The following SPTLC2 variants were observed in gnomAD, a reference collection of about 807,000 sequenced individuals.
SPTLC2 encodes serine palmitoyltransferase 2.
In SPTLC2, 21 loss-of-function variants were observed where a neutral mutation model predicts 62.0. The observed-to-expected ratio is 0.34, with a 90% confidence interval of 0.24 to 0.49. The LOEUF (loss-of-function observed/expected upper bound fraction) is 0.49. Among genes scored for constraint, SPTLC2 ranks in the 20% least tolerant of loss-of-function variants. The pLI, the probability that SPTLC2 is intolerant of heterozygous loss-of-function variation, is 0.99. For synonymous variants in SPTLC2, 261 were observed against 261.8 expected (o/e 1.00, Z 0.03); for missense variants, 511 against 713.0 (o/e 0.72, Z 3.23).
At chr14:77,566,020 C>T (rs932228447) in intron 5 of SPTLC2, among the ~76,000 whole-genome samples, 1 of 152,196 alleles carries the variant, frequency 6.6e-6, no homozygotes, top group Non-Finnish European at 1.5e-5. Flanking sequence ...AAATTCTTTA[C>T]TTACCACTCT....
At chr14:77,564,580 C>G (rs1026772770) in intron 5 of SPTLC2, among the ~76,000 whole-genome samples, 1 of 151,856 alleles carries the variant, frequency 6.6e-6, no homozygotes, top group African/African-American at 2.4e-5. Flanking sequence ...TTCTAAATAT[C>G]ATTCTCCAAA....
At position 77,511,160 on chromosome 14, in the gene SPTLC2, T is replaced by C. The variant is rs1238044652; in HGVS notation, c.*1124A>G. ...CATCAAGAATAAAAGAGAACTAGCA[T>C]TCAGAAGAGTAATATTTAAGTGGGT... On this transcript the variant is annotated 3_prime_UTR_variant, in exon 12 of 12. Transcript: ENST00000216484. The C allele has an allele frequency of 6.6e-6, 1 of 152,192 alleles. No homozygotes were observed. The highest frequency in any genetic ancestry group is 2.4e-5 in the African/African-American group (1 of 41,436). 9.4% of individuals were successfully genotyped at this position (152,192 alleles called of 1,614,324 possible).
rs9972150 is a variant in SPTLC2, at chr14:77,570,908, G to A, written c.632-400C>T. On this transcript the variant is annotated intron_variant, in intron 4 of 11. Transcript: ENST00000216484. ...AAAAACAGAACATGGGCGGGGGGAT[G>A]GGAACTGAGGGATAAGAGACTATGG... Among the ~76,000 whole-genome samples, 653 of 152,170 alleles carry A rather than the reference G, an allele frequency of 4.3e-3. 7 individuals are homozygous for A. Among genetic ancestry groups the A allele is most frequent in the African/African-American group, 0.015 (603 of 41,514 alleles).
At chr14:77,529,338 T>C (rs1014616330) in intron 9 of SPTLC2, among the ~76,000 whole-genome samples, 1 of 150,456 alleles carries the variant, frequency 6.6e-6, no homozygotes, top group Admixed American at 6.7e-5. Flanking sequence ...TCTCCACTGA[T>C]AGAAATAAAC....
At chr14:77,579,190 A>G (rs1219304437) in intron 2 of SPTLC2, 81 bp from the exon 3 acceptor site, 7 of 1,390,006 alleles carry the variant, frequency 5.0e-6, no homozygotes, top group South Asian at 1.2e-5. Flanking sequence ...ATGATCTTTT[A>G]TTTATGTAAA....
At chr14:77,557,763 C>A (rs1946485871) in intron 6 of SPTLC2, among the ~76,000 whole-genome samples, 1 of 152,116 alleles carries the variant, frequency 6.6e-6, no homozygotes, top group Non-Finnish European at 1.5e-5. Context: ...TGAAATTGTT[C>A]CATGTTTGAC....
chr14:77,538,878 T>C (rs1345012348), intron 9 of SPTLC2, among the ~76,000 whole-genome samples: 1 of 151,970 alleles, frequency 6.6e-6, no homozygotes, highest in Non-Finnish European at 1.5e-5. Flanking sequence ...GCCTGTGGTA[T>C]ATAAACTTCT....
intron 8 of SPTLC2, 26 bp from the exon 9 acceptor site, chr14:77,552,248 G>A: frequency 6.2e-7 from 1 of 1,613,550 alleles, no homozygotes; most frequent in South Asian, 1.1e-5. Flanking sequence ...AGGCAGATAA[G>A]TAGAGACAAT....
intron 1 of SPTLC2, among the ~76,000 whole-genome samples, chr14:77,612,084 C>T (rs369444594): frequency 6.6e-6 from 1 of 152,164 alleles, no homozygotes; most frequent in African/African-American, 2.4e-5. Context: ...CAGAAACTAC[C>T]CAGAAGGGAA....
At chr14:77,569,679 G>A (rs1247548054) in intron 5 of SPTLC2, among the ~76,000 whole-genome samples, 1 of 150,146 alleles carries the variant, frequency 6.7e-6, no homozygotes, top group Non-Finnish European at 1.5e-5. Context: ...CTTTCAGGAT[G>A]AGAGTACCAA....
rs555650951 is a variant in SPTLC2 at position 77,586,991 on chromosome 14, C to T, written c.328-7882G>A. On this transcript the variant is annotated intron_variant, in intron 2 of 11. Coordinates refer to ENST00000216484, the MANE Select transcript of SPTLC2 (RefSeq NM_004863.4). ...CTGTAATCCCAGCACTTTGGGAGGC[C>T]GAGGCAGGCAGATCACGAGGTCAGG... Among the ~76,000 whole-genome samples the T allele has an allele frequency of 3.3e-5, 5 of 151,768 alleles. 1 individual carries two copies. The South Asian group carries it at 6.2e-4, about 19-fold the overall frequency.
At position 77,512,346 on chromosome 14, in the gene SPTLC2, G is replaced by A. The variant is rs2079336710; in HGVS notation, c.1627C>T (p.Arg543Trp). 1.9e-6 allele frequency: 3 copies of A among 1,614,216 alleles called. No homozygotes were observed. Among genetic ancestry groups the A allele is most frequent in the South Asian group, 1.1e-5 (1 of 91,084 alleles). ...DLLQLKYSRHRLVPLLDRPFD... is the reference protein window; with the variant it reads ...DLLQLKYSRHWLVPLLDRPFD... ...GGCCTGTCCAGTAGAGGTACCAACC[G>A]ATGACGGGAATACTTCAGCTGCAAT... The change falls in exon 12 of 12, where the codon CGG becomes TGG. Residue 543 changes from arginine (R) to tryptophan (W), a missense_variant. Physicochemically the swap from Arg to Trp is moderately radical, Grantham distance 101. Transcript: ENST00000216484.
rs531559924 is a variant in SPTLC2 at position 77,537,391 on chromosome 14, T to C, written c.1303+14705A>G. ...TCTTGTTTATAAGTTCCTGTTACTG[T>C]ACTTATGCCGTTTATGTGTGGTCTC... is the stretch of plus-strand genomic sequence containing the variant. On this transcript the variant is annotated intron_variant, in intron 9 of 11. Transcript: ENST00000216484. 3.1e-3 allele frequency among the ~76,000 whole-genome samples: 479 copies of C among 152,340 alleles called. 2 individuals are homozygous for C. The highest frequency in any genetic ancestry group is 4.0e-3 in the Non-Finnish European group (274 of 68,028).
At chr14:77,534,796 A>G (rs1396248314) in intron 9 of SPTLC2, among the ~76,000 whole-genome samples, 1 of 152,178 alleles carries the variant, frequency 6.6e-6, no homozygotes, top group African/African-American at 2.4e-5. Context: ...GACCCTGGAC[A>G]TTCTGCAGCA....
chr14:77,559,725 A>AT (rs2079604527), intron 6 of SPTLC2, among the ~76,000 whole-genome samples: 3 of 152,124 alleles, frequency 2.0e-5, no homozygotes, highest in Non-Finnish European at 4.4e-5. Flanking sequence ...CTTTGTCTCT[A>AT]TAAAAAATAA....
In SPTLC2 at chr14:77,507,244, T is replaced by C. The variant is rs1404300287; in HGVS notation, c.*5040A>G. The C allele has an allele frequency of 6.6e-6, 1 of 151,984 alleles. No individual in the cohort carries two copies. Among genetic ancestry groups the C allele is most frequent in the Non-Finnish European group, 1.5e-5 (1 of 68,026 alleles). 9.4% of individuals were successfully genotyped at this position (151,984 alleles called of 1,614,324 possible). Reference sequence around the variant, plus strand: ...AAGCAAAGGGATCATTGGCTAGCACTAGCATTTATTCTGTGTGATAGGGAA... The same window carrying C: ...AAGCAAAGGGATCATTGGCTAGCACCAGCATTTATTCTGTGTGATAGGGAA... On this transcript the variant is annotated 3_prime_UTR_variant, in exon 12 of 12. Coordinates refer to ENST00000216484, the MANE Select transcript of SPTLC2 (RefSeq NM_004863.4).
rs369595338 is a variant in SPTLC2 at position 77,582,677 on chromosome 14, T to C, written c.328-3568A>G. ...GGGTTCCAATTTCCTGAACAAAGAATTGTGCCTGCCATGGTCAGGCATTTC... is the reference window on the plus strand; with the variant it reads ...GGGTTCCAATTTCCTGAACAAAGAACTGTGCCTGCCATGGTCAGGCATTTC... On this transcript the variant is annotated intron_variant, in intron 2 of 11. Transcript: ENST00000216484. 1.6e-3 allele frequency among the ~76,000 whole-genome samples: 239 copies of C among 152,260 alleles called. 1 individual carries two copies. The highest frequency in any genetic ancestry group is 2.7e-3 in the Non-Finnish European group (186 of 68,018).
chr14:77,556,909 G>A (rs940444500), intron 7 of SPTLC2, 132 bp downstream of exon 7: 1 of 719,740 alleles, frequency 1.4e-6, no homozygotes, highest in Admixed American at 2.3e-5. Flanking sequence ...TCTGTTTCCA[G>A]GTATTTTAGC....
chr14:77,597,721 C>A (rs2079855185), intron 1 of SPTLC2, among the ~76,000 whole-genome samples: 1 of 151,188 alleles, frequency 6.6e-6, no homozygotes, highest in Admixed American at 6.6e-5. Context: ...CTGCAGTAAG[C>A]CAAGATCACG....
Sources: gnomAD v4.1 joint callset for allele counts (sites outside exome capture counted in the v4.1 genomes callset) on GRCh38, gnomAD v4.1.1 for gene constraint, MANE v1.5 for transcripts, NCBI Gene and HGNC (gene_info 2026-07-23, HGNC 2026-07-21) for gene names.